PHC2: variants seen among roughly 807,000 people sequenced by gnomAD.
PHC2 encodes polyhomeotic homolog 2, also known as polyhomeotic-like protein 2.
In PHC2, 29 loss-of-function variants were observed where a neutral mutation model predicts 87.4. That is an observed-to-expected ratio of 0.33 (90% CI 0.25 to 0.45). The LOEUF is 0.45. Ranked by LOEUF, PHC2 falls within the 20% of genes least tolerant of loss-of-function variation. The pLI is 1.00. For missense variants in PHC2, 857 were observed against 1,136.7 expected, an observed-to-expected ratio of 0.75 and a Z score of 3.54; for synonymous variants, 438 against 461.7, an observed-to-expected ratio of 0.95 and a Z score of 0.66.
intron 1 of PHC2, among the ~76,000 whole-genome samples, chr1:33,426,235 G>A (rs1650662559): frequency 6.6e-6 from 1 of 152,114 alleles, no homozygotes; most frequent in Non-Finnish European, 1.5e-5. Flanking sequence ...GTGGGTAGAT[G>A]AAGGAACAGA....
intron 7 of PHC2, 53 bp from the exon 8 acceptor site, chr1:33,355,306 G>C: frequency 2.0e-6 from 3 of 1,473,088 alleles, no homozygotes; most frequent in South Asian, 1.4e-5. Context: ...CTCTTCTGCT[G>C]TGTCTTCCAA....
intron 9 of PHC2, among the ~76,000 whole-genome samples, chr1:33,343,983 CTCTT>C (rs796235318): frequency 5.1e-4 from 77 of 152,316 alleles, no homozygotes; most frequent in African/African-American, 1.7e-3. Flanking sequence ...GCACCAGATT[CTCTT>C]TCTATGCAGT....
Position 33,364,044 on chromosome 1 carries a change from T to C in PHC2, c.976+3072A>G. 1 of 305,702 alleles carries C rather than the reference T, an allele frequency of 3.3e-6. No individual in the cohort carries two copies. Among genetic ancestry groups the C allele is most frequent in the Non-Finnish European group, 4.8e-6 (1 of 208,508 alleles). The allele number at this position is 305,702 out of a possible 1,614,324, so 18.9% of individuals were successfully genotyped here. A position where few individuals can be genotyped will look rare whatever the true frequency, so the allele number is the denominator to read the frequency against. ...CCTATTCTCGGCATAAGGGACCTTT[T>C]CTATTTGCAGAGCCTGAAGAAGCCG... On this transcript the variant is annotated intron_variant, in intron 7 of 14. Coordinates refer to ENST00000683057, the MANE Select transcript of PHC2 (RefSeq NM_001385109.1). This position sits in a 1 kb window ranked among gnomAD's most constrained non-coding sequence, Gnocchi z 4.1.
At chr1:33,325,090 A>G (rs754879027) in intron 14 of PHC2, 71 bp from the exon 15 acceptor site, 176 of 1,394,016 alleles carry the variant, frequency 1.3e-4, no homozygotes, top group Non-Finnish European at 1.6e-4. Flanking sequence ...CACTGCATCT[A>G]GTTATCTAGA....
chr1:33,335,194 C>T (rs908745894), intron 9 of PHC2: 18 of 985,436 alleles, frequency 1.8e-5, no homozygotes, highest in Non-Finnish European at 1.4e-5. Context: ...CAGTGAACTT[C>T]CTCTCTTCCA....
At chr1:33,356,289 A>G (rs1270451038) in intron 7 of PHC2, among the ~76,000 whole-genome samples, 1 of 141,240 alleles carries the variant, frequency 7.1e-6, no homozygotes, top group Non-Finnish European at 1.5e-5. Context: ...ATATATATAT[A>G]TATATTTATT....
chr1:33,367,687 CGGG>C (rs1557836155), intron 6 of PHC2, among the ~76,000 whole-genome samples: 1 of 152,048 alleles, frequency 6.6e-6, no homozygotes, highest in African/African-American at 2.4e-5. Context: ...CCCAGCTGGG[CGGG>C]CAGGGGTGGG....
At position 33,328,975 on chromosome 1, in the gene PHC2, C is replaced by T. The variant is rs1296199111; in HGVS notation, c.2320G>A (p.Asp774Asn). 7 of 1,614,148 alleles carry T rather than the reference C, an allele frequency of 4.3e-6. No homozygotes were observed. The highest frequency in any genetic ancestry group is 1.6e-4 in the Middle Eastern group (1 of 6,062). ...RQGQRDLELP[D>N]MHMRDLVGMG... ...CCCACCAGGTCCCGCATATGCATGTCGGGGAGCTCCAGGTCCCGCTGGCCT... is the reference window on the plus strand; with the variant it reads ...CCCACCAGGTCCCGCATATGCATGTTGGGGAGCTCCAGGTCCCGCTGGCCT... Residue 774 changes from aspartate (D) to asparagine (N), a missense_variant, in exon 14 of 15, where the codon GAC (aspartate) becomes AAC (asparagine). By Grantham distance (23) the Asp-to-Asn change is conservative (BLOSUM62 1). Coordinates refer to ENST00000683057, the MANE Select transcript of PHC2 (RefSeq NM_001385109.1).
intron 1 of PHC2, among the ~76,000 whole-genome samples, chr1:33,386,991 C>T (rs957793766): frequency 7.2e-5 from 11 of 152,218 alleles, no homozygotes; most frequent in African/African-American, 1.2e-4. Flanking sequence ...GCCATTCTGC[C>T]GCTGCTATGT....
chr1:33,367,804 C>G (rs931412618), intron 6 of PHC2, among the ~76,000 whole-genome samples: 1 of 152,128 alleles, frequency 6.6e-6, no homozygotes, highest in Non-Finnish European at 1.5e-5. Context: ...GAGCATGGGG[C>G]TTCCCACACT....
intron 9 of PHC2, among the ~76,000 whole-genome samples, chr1:33,339,843 CTGGT>C (rs1344133086): frequency 2.0e-5 from 3 of 152,342 alleles, no homozygotes; most frequent in Middle Eastern, 3.4e-3. Flanking sequence ...ATTATACTTA[CTGGT>C]TGAGCATCCC....
rs905234362 is a variant in PHC2 at position 33,349,572 on chromosome 1, A to C, written c.1558+4829T>G. On this transcript the variant is annotated intron_variant, in intron 9 of 14. Coordinates refer to ENST00000683057, the MANE Select transcript of PHC2 (RefSeq NM_001385109.1). This position sits in a 1 kb window ranked among gnomAD's most constrained non-coding sequence, Gnocchi z 4.2. ...GCCCCCGGCCTCCCTACTGGCGAGA[A>C]CCCCTCCCCCGCCCCGGCACTGACC... 2 of 980,646 alleles carry C rather than the reference A, an allele frequency of 2.0e-6. No individual in the cohort carries two copies. Among genetic ancestry groups the C allele is most frequent in the Non-Finnish European group, 1.2e-6 (1 of 827,474 alleles). 60.7% of individuals were successfully genotyped at this position (980,646 alleles called of 1,614,324 possible).
At chr1:33,406,666 T>C (rs1308981741) in intron 1 of PHC2, among the ~76,000 whole-genome samples, 1 of 152,208 alleles carries the variant, frequency 6.6e-6, no homozygotes, top group Non-Finnish European at 1.5e-5. Flanking sequence ...TTTGATGTAA[T>C]AGAGGCAAAC....
intron 1 of PHC2, among the ~76,000 whole-genome samples, chr1:33,428,405 C>T (rs1037501804): frequency 1.3e-5 from 2 of 152,196 alleles, no homozygotes; most frequent in Non-Finnish European, 2.9e-5. Flanking sequence ...CCAGTGACAC[C>T]TTCTTTACAC....
chr1:33,423,537 G>A (rs1469020575), intron 1 of PHC2, among the ~76,000 whole-genome samples: 1 of 152,114 alleles, frequency 6.6e-6, no homozygotes, highest in Non-Finnish European at 1.5e-5. Context: ...TGGCTTTATG[G>A]ACCAATGAAT....
chr1:33,386,383 G>C (rs1648753291), intron 1 of PHC2, among the ~76,000 whole-genome samples: 1 of 151,766 alleles, frequency 6.6e-6, no homozygotes. Flanking sequence ...GGCCGTGGTA[G>C]TGGGCGCCTA....
At position 33,330,973 on chromosome 1, in the gene PHC2, CAT is replaced by C. The variant is rs535845440; in HGVS notation, c.2006+373_2006+374del. 4.6e-5 allele frequency among the ~76,000 whole-genome samples: 7 copies of C among 152,290 alleles called. No individual in the cohort carries two copies. In the South Asian group the frequency reaches 1.2e-3, roughly 27 times the overall value. The stretch of plus-strand genomic sequence containing the variant: ...AAATGGCAGTGGTTTTTATGATGAC[CAT>C]TAGTGATCTATGCTGGGCGAGAGCT... On this transcript the variant is annotated intron_variant, in intron 12 of 14. Coordinates refer to ENST00000683057, the MANE Select transcript of PHC2 (RefSeq NM_001385109.1).
At chr1:33,356,294 T>TA (rs71006395) in intron 7 of PHC2, among the ~76,000 whole-genome samples, 29 of 140,942 alleles carry the variant, frequency 2.1e-4, no homozygotes, top group Admixed American at 4.2e-4. Flanking sequence ...TATATATATA[T>TA]TTATTTATTT....
At chr1:33,325,670 C>T (rs976237816) in intron 14 of PHC2, 8 of 335,912 alleles carry the variant, frequency 2.4e-5, no homozygotes, top group Non-Finnish European at 4.8e-5. Flanking sequence ...CCAGGACTGC[C>T]CAGCCGAGCC....
Sources: allele counts gnomAD v4.1 joint callset (sites outside exome capture counted in the v4.1 genomes callset), GRCh38; gene constraint gnomAD v4.1.1; non-coding constraint Gnocchi (gnomAD v3.1); transcripts MANE v1.5; gene names NCBI Gene and HGNC (gene_info 2026-07-23, HGNC 2026-07-21).